The following DIS3L2 variants were observed in gnomAD, a reference collection of about 807,000 sequenced individuals.
The protein encoded by DIS3L2 is DIS3-like exonuclease 2.
Under a neutral mutation model 97.5 loss-of-function variants are expected in DIS3L2, and 34 were observed. The observed-to-expected ratio is 0.35, with a 90% CI of 0.27 to 0.46. The LOEUF (loss-of-function observed/expected upper bound fraction) is 0.46, where lower values mean the gene tolerates loss of function less well. Among genes scored for constraint, DIS3L2 ranks in the 20% least tolerant of loss-of-function variants. DIS3L2 has a pLI of 1.00. For missense variants in DIS3L2, 1,038 were observed against 1,146.0 expected, an observed-to-expected ratio of 0.91 and a Z score of 1.36; for synonymous variants, 435 against 445.2, an observed-to-expected ratio of 0.98 and a Z score of 0.29.
chr2:232,167,147 A>G (rs1690848658), intron 9 of DIS3L2, among the ~76,000 whole-genome samples: 1 of 152,218 alleles, frequency 6.6e-6, no homozygotes, highest in African/African-American at 2.4e-5. Context: ...CTTAATGCCT[A>G]AAGTAGTAAT....
intron 5 of DIS3L2, among the ~76,000 whole-genome samples, chr2:232,074,571 CTTTTT>C (rs66518544): frequency 2.9e-5 from 3 of 104,166 alleles, no homozygotes; most frequent in Non-Finnish European, 1.8e-5. Flanking sequence ...ATCAAGGAAC[CTTTTT>C]TTTTTTTTTT....
intron 1 of DIS3L2, among the ~76,000 whole-genome samples, chr2:231,974,246 CAG>C (rs1002086761): frequency 6.6e-5 from 10 of 151,906 alleles, no homozygotes; most frequent in Non-Finnish European, 1.2e-4. Flanking sequence ...CAAAAAGGGA[CAG>C]GGGAGGGAAG....
chr2:232,216,053 A>T (rs1044797531), intron 10 of DIS3L2, among the ~76,000 whole-genome samples: 16 of 151,760 alleles, frequency 1.1e-4, no homozygotes, highest in African/African-American at 3.9e-4. Flanking sequence ...ATCCTATAAA[A>T]CCTTCCTGTA....
chr2:232,128,286 A>G (rs1698124041), intron 6 of DIS3L2, among the ~76,000 whole-genome samples: 1 of 151,878 alleles, frequency 6.6e-6, no homozygotes, highest in Non-Finnish European at 1.5e-5. Context: ...GTGATTATTT[A>G]TATGATATTC....
chr2:232,173,889 C>CT (rs1303670957), intron 9 of DIS3L2, among the ~76,000 whole-genome samples: 1 of 151,934 alleles, frequency 6.6e-6, no homozygotes, highest in Non-Finnish European at 1.5e-5. Context: ...TCCAACTTTG[C>CT]TTTTTTTTCT....
At chr2:232,166,086 ATAAATAAAT>A (rs1690801014) in intron 9 of DIS3L2, among the ~76,000 whole-genome samples, 4 of 141,882 alleles carry the variant, frequency 2.8e-5, no homozygotes, top group Admixed American at 2.7e-4. Flanking sequence ...AAATAAATAA[ATAAATAAAT>A]AAATAAATAA....
chr2:231,980,165 C>G (rs563804370), intron 1 of DIS3L2, among the ~76,000 whole-genome samples: 1 of 152,220 alleles, frequency 6.6e-6, no homozygotes, highest in African/African-American at 2.4e-5. Context: ...GGGCATTCTT[C>G]TATTAGATCT....
At chr2:232,279,047 C>T (rs554973922) in intron 13 of DIS3L2, among the ~76,000 whole-genome samples, 185 of 152,212 alleles carry the variant, frequency 1.2e-3, no homozygotes, top group African/African-American at 4.1e-3. Flanking sequence ...AAGTGATTCT[C>T]CTGCCTCAGC....
chr2:232,059,827 T>C (rs960458305), intron 5 of DIS3L2, among the ~76,000 whole-genome samples: 5 of 152,202 alleles, frequency 3.3e-5, no homozygotes, highest in African/African-American at 1.2e-4. Context: ...TCTTTTTTAA[T>C]GGCTGCATGG....
chr2:232,312,970 A>AT (rs1190494277), intron 14 of DIS3L2, among the ~76,000 whole-genome samples: 1 of 151,872 alleles, frequency 6.6e-6, no homozygotes, highest in African/African-American at 2.4e-5. Flanking sequence ...TAATTTGTAG[A>AT]TTTTTTTTCA....
intron 7 of DIS3L2, 85 bp from the exon 8 acceptor site, chr2:232,136,387 G>T: frequency 6.5e-7 from 1 of 1,533,514 alleles, no homozygotes; most frequent in South Asian, 1.3e-5. Context: ...CCTGCTAGTT[G>T]ATCAAATTAT....
intron 9 of DIS3L2, among the ~76,000 whole-genome samples, chr2:232,187,858 A>G (rs1031832883): frequency 6.6e-6 from 1 of 152,122 alleles, no homozygotes; most frequent in Non-Finnish European, 1.5e-5. Context: ...CAACATAATA[A>G]GATCCTTTCT....
exon 14 of DIS3L2, chr2:232,343,755 C>T: frequency 1.6e-6 from 1 of 639,426 alleles, no homozygotes; most frequent in Non-Finnish European, 2.7e-6. Context: ...AACTGCTATA[C>T]CCTCTTCAGC....
intron 10 of DIS3L2, 53 bp from the exon 11 acceptor site, chr2:232,238,480 A>G: frequency 6.8e-7 from 1 of 1,467,992 alleles, no homozygotes; most frequent in Non-Finnish European, 9.5e-7. Flanking sequence ...CTCCTGGGAG[A>G]GAATGCTGTG....
chr2:232,173,977 C>T (rs2106175848), intron 9 of DIS3L2, among the ~76,000 whole-genome samples: 1 of 152,234 alleles, frequency 6.6e-6, no homozygotes, highest in East Asian at 1.9e-4. Context: ...TCAGGAGGCA[C>T]TCAGGATTTT....
At chr2:232,197,682 A>T (rs2106203003) in intron 9 of DIS3L2, among the ~76,000 whole-genome samples, 1 of 152,288 alleles carries the variant, frequency 6.6e-6, no homozygotes, top group East Asian at 1.9e-4. Context: ...AAAGTCTGGA[A>T]TTCTGGCTGG....
At chr2:232,021,290 G>A (rs1429609529) in intron 3 of DIS3L2, among the ~76,000 whole-genome samples, 1 of 152,102 alleles carries the variant, frequency 6.6e-6, no homozygotes, top group African/African-American at 2.4e-5. Flanking sequence ...TGGCAATTAG[G>A]TGGCTAGAGA....
At chr2:232,142,130 G>A (rs1264222530) in intron 8 of DIS3L2, among the ~76,000 whole-genome samples, 1 of 151,962 alleles carries the variant, frequency 6.6e-6, no homozygotes, top group African/African-American at 2.4e-5. Context: ...CTATGGACTC[G>A]CATTACCAGA....
At chr2:232,063,302 T>C (rs919958726) in intron 5 of DIS3L2, among the ~76,000 whole-genome samples, 2 of 152,262 alleles carry the variant, frequency 1.3e-5, no homozygotes, top group Non-Finnish European at 2.9e-5. Flanking sequence ...TAGAATGTTA[T>C]AACATTTCTA....
Sources: gnomAD v4.1 joint callset for allele counts (sites outside exome capture counted in the v4.1 genomes callset) on GRCh38, gnomAD v4.1.1 for gene constraint, MANE v1.5 for transcripts, NCBI Gene and HGNC (gene_info 2026-07-23, HGNC 2026-07-21) for gene names.